TP53I13: variants seen among roughly 807,000 people sequenced by gnomAD.
TP53I13 encodes tumor protein p53-inducible protein 13.
In TP53I13, 27 loss-of-function variants were observed where a neutral mutation model predicts 39.1. The ratio of observed to expected loss-of-function variants is 0.69; its 90% CI spans 0.51 to 0.95. TP53I13 has a LOEUF of 0.95. TP53I13 is among the 40% of genes least tolerant of loss of function. The pLI is 0.00. For missense variants in TP53I13, 544 were observed against 520.4 expected (o/e 1.05, Z -0.44); for synonymous variants, 230 against 224.6 (o/e 1.02, Z -0.22).
chr17:29,581,335 C>T, the TP53I13 span: 1 of 1,610,506 alleles, frequency 6.2e-7, no homozygotes, highest in Admixed American at 1.7e-5. The surrounding 1 kb of genome is among the most constrained non-coding windows in gnomAD (Gnocchi z 4.8). Context: ...GGTGGGCACT[C>T]ACCTGTCAGC....
At chr17:29,574,625 G>T, downstream of TP53I13, 1 of 1,186,480 alleles carries the variant, frequency 8.4e-7, no homozygotes, top group Non-Finnish European at 1.3e-6. Context: ...TGTTGGGGTG[G>T]GGATTAATGT....
rs760546567 is a variant in TP53I13 at position 29,572,275 on chromosome 17, C to A, written c.647C>A (p.Thr216Asn). 6.2e-7 allele frequency: 1 copy of A among 1,612,820 alleles called. No homozygotes were observed. Residue 216 changes from threonine to asparagine, a missense_variant, in exon 6 of 7, where the codon ACT becomes AAT. By Grantham distance (65) the Thr-to-Asn change is moderately conservative. Coordinates refer to ENST00000301057, the MANE Select transcript of TP53I13 (RefSeq NM_138349.4). ...RLRAALGPQP[T>N]RSALRFPSAS... is the part of the protein sequence containing the mutation. ...CGGGCTGCCCTTGGTCCCCAGCCCA[C>A]TCGCTCAGCCCTGAGGTTTCCCTCT... is the stretch of plus-strand genomic sequence containing the variant.
Position 29,572,832 on chromosome 17 carries a change from C to A in TP53I13, c.1090C>A (p.Leu364Met). 6.5e-7 allele frequency: 1 copy of A among 1,527,468 alleles called. No homozygotes were observed. The highest frequency in any genetic ancestry group is 1.2e-5 in the South Asian group (1 of 83,120). The allele number at this position is 1,527,468 out of a possible 1,614,324, so 94.6% of individuals were successfully genotyped here. A position where few individuals can be genotyped will look rare whatever the true frequency, so the allele number is the denominator to read the frequency against. The change falls in exon 7 of 7, where the codon CTG becomes ATG. Residue 364 changes from leucine (L) to methionine (M), a missense_variant. Leu to Met is a conservative substitution (Grantham distance 15, BLOSUM62 2). Coordinates refer to ENST00000301057, the MANE Select transcript of TP53I13 (RefSeq NM_138349.4). ...CACAGCTGTGCTGAAGCGGAGGCTG[C>A]TGCAGCCCTCGCGCCGGGTCAAGCG... ...TVAAVLKRRL[L>M]QPSRRVKRSR...
At position 29,568,754 on chromosome 17, in the gene TP53I13, T is replaced by G; in HGVS notation, c.-5T>G. Reference sequence around the variant, plus strand: ...GGCGGCGGGCCGGGCCCGGGGCCGCTTGGAATGGCGCCTCCTCCGCCTTCG... The same window carrying G: ...GGCGGCGGGCCGGGCCCGGGGCCGCGTGGAATGGCGCCTCCTCCGCCTTCG... On this transcript the variant is annotated 5_prime_UTR_variant, in exon 1 of 7. Transcript: ENST00000301057. The surrounding 1 kb of genome is among the most constrained non-coding windows in gnomAD (Gnocchi z 4.5). The G allele has an allele frequency of 6.4e-7, 1 of 1,572,676 alleles. No individual in the cohort carries two copies. The highest frequency in any genetic ancestry group is 1.1e-5 in the South Asian group (1 of 88,536).
downstream of TP53I13, chr17:29,575,727 G>A: frequency 1.2e-6 from 2 of 1,611,784 alleles, no homozygotes; most frequent in Non-Finnish European, 1.7e-6. This position sits in a 1 kb window ranked among gnomAD's most constrained non-coding sequence, Gnocchi z 5.5. Flanking sequence ...GGAAGGGGCT[G>A]TGAGCGCCGT....
At chr17:29,580,772 TTTTC>T in the TP53I13 span, among the ~76,000 whole-genome samples, 1 of 151,418 alleles carries the variant, frequency 6.6e-6, no homozygotes, top group African/African-American at 2.4e-5. Flanking sequence ...TTCTGTTTCT[TTTTC>T]TTTTTTTTTT....
In TP53I13 at chr17:29,568,723, C is replaced by A. The variant is rs753386528; in HGVS notation, c.-36C>A. Reference sequence around the variant, plus strand: ...CGCGCGCGCTCCCTCGCTGGCGGAGCGGCTGGGCGGCGGGCCGGGCCCGGG... The same window carrying A: ...CGCGCGCGCTCCCTCGCTGGCGGAGAGGCTGGGCGGCGGGCCGGGCCCGGG... On this transcript the variant is annotated 5_prime_UTR_variant, in exon 1 of 7. Coordinates refer to ENST00000301057, the MANE Select transcript of TP53I13 (RefSeq NM_138349.4). This position sits in a 1 kb window ranked among gnomAD's most constrained non-coding sequence, Gnocchi z 4.5. 2 of 1,388,830 alleles carry A rather than the reference C, an allele frequency of 1.4e-6. No individual in the cohort carries two copies. The highest frequency in any genetic ancestry group is 2.5e-4 in the Middle Eastern group (1 of 4,010). The allele number at this position is 1,388,830 out of a possible 1,614,324, so 86.0% of individuals were successfully genotyped here.
Position 29,569,306 on chromosome 17 carries a change from C to A in TP53I13, c.142-12C>A. The A allele has an allele frequency of 1.2e-6, 2 of 1,613,718 alleles. No homozygotes were observed. The highest frequency in any genetic ancestry group is 1.1e-5 in the South Asian group (1 of 90,996). ...CCAACTGCCCTAAGCTCTGTTCTTT[C>A]CCCATGTATAGGTGTCACCAAGAGT... On this transcript the variant is annotated splice_polypyrimidine_tract_variant and intron_variant, in intron 2 of 6. Transcript: ENST00000301057.
At chr17:29,576,190 C>T (rs1368576061), downstream of TP53I13, 1 of 1,608,656 alleles carries the variant, frequency 6.2e-7, no homozygotes, top group East Asian at 2.2e-5. Context: ...CACCCATCTC[C>T]CCACACCTTG....
At chr17:29,575,358 A>G, downstream of TP53I13, 1 of 1,613,746 alleles carries the variant, frequency 6.2e-7, no homozygotes, top group Non-Finnish European at 8.5e-7. The surrounding 1 kb of genome is among the most constrained non-coding windows in gnomAD (Gnocchi z 5.5). Flanking sequence ...TCTGTCTTCA[A>G]GATGACATCC....
chr17:29,582,225 C>T, the TP53I13 span: 1 of 1,068,664 alleles, frequency 9.4e-7, no homozygotes, highest in African/African-American at 1.6e-5. Flanking sequence ...CTGGCTGCCC[C>T]TGGGACACCT....
chr17:29,571,458 C>T (rs1430020542), intron 3 of TP53I13, 133 bp from the exon 4 acceptor site: 1 of 1,278,660 alleles, frequency 7.8e-7, no homozygotes, highest in African/African-American at 1.5e-5. Flanking sequence ...TTTGTCCTTT[C>T]CTGGGCCCTG....
chr17:29,582,167 T>G, the TP53I13 span: 1 of 1,503,858 alleles, frequency 6.6e-7, no homozygotes, highest in Non-Finnish European at 9.0e-7. Flanking sequence ...GAGTGTGCAG[T>G]GAATACGCAT....
chr17:29,581,074 C>T, the TP53I13 span: 63 of 528,054 alleles, frequency 1.2e-4, 1 homozygote, highest in Non-Finnish European at 1.6e-4. This position sits in a 1 kb window ranked among gnomAD's most constrained non-coding sequence, Gnocchi z 4.8. Flanking sequence ...CCACCGCGCC[C>T]GGCCCACAGG....
the TP53I13 span, chr17:29,582,166 G>A: frequency 1.3e-6 from 2 of 1,519,510 alleles, no homozygotes; most frequent in Non-Finnish European, 8.8e-7. Flanking sequence ...AGAGTGTGCA[G>A]TGAATACGCA....
downstream of TP53I13, chr17:29,575,480 A>C: frequency 6.3e-7 from 1 of 1,595,572 alleles, no homozygotes; most frequent in Non-Finnish European, 8.5e-7. This position sits in a 1 kb window ranked among gnomAD's most constrained non-coding sequence, Gnocchi z 5.5. Context: ...CCTGAGGCCC[A>C]GGTCCAGAAA....
chr17:29,572,337 G>A lies in TP53I13; in HGVS notation c.709G>A (p.Ala237Thr), dbSNP rs752931236. 68 of 1,611,630 alleles carry A rather than the reference G, an allele frequency of 4.2e-5. No individual in the cohort carries two copies. Among genetic ancestry groups the A allele is most frequent in the Non-Finnish European group, 5.6e-5 (66 of 1,179,082 alleles). ...PGSLKAKQSM[A>T]GIPGRESNAP... ...GAGCTTGAAGGCCAAGCAGTCCATG[G>A]CGGGAATCCCTGGTAGGGAGAGTAA... is the stretch of plus-strand genomic sequence containing the variant. Residue 237 changes from alanine (A) to threonine (T), a missense_variant, in exon 6 of 7, where the codon GCG becomes ACG. Coordinates refer to ENST00000301057, the MANE Select transcript of TP53I13 (RefSeq NM_138349.4).
At chr17:29,569,239 G>T in intron 2 of TP53I13, 79 bp from the exon 3 acceptor site, 1 of 1,537,158 alleles carries the variant, frequency 6.5e-7, no homozygotes, top group Non-Finnish European at 8.9e-7. Flanking sequence ...CCTGGCGCTT[G>T]GGGCCTGCCG....
In TP53I13 at chr17:29,572,642, A is replaced by T; in HGVS notation, c.1014A>T (p.Arg338=). 6.3e-7 allele frequency: 1 copy of T among 1,585,244 alleles called. No individual in the cohort carries two copies. The change falls in exon 6 of 7, where the codon CGA becomes CGT. Residue 338 remains arginine, a synonymous_variant. Transcript: ENST00000301057. The stretch of plus-strand genomic sequence containing the variant: ...GCACACGGCTGCACAGAAACTTCCG[A>T]CGCGGGGAGAGCATCTACTGGGGGC... The part of the protein sequence containing the change: ...TLCTRLHRNF[R]RGESIYWGPT...
Sources: allele counts gnomAD v4.1 joint callset (sites outside exome capture counted in the v4.1 genomes callset), GRCh38; gene constraint gnomAD v4.1.1; non-coding constraint Gnocchi (gnomAD v3.1); transcripts MANE v1.5; gene names NCBI Gene and HGNC (gene_info 2026-07-23, HGNC 2026-07-21).